Variants in NFIL3 observed in about 807,000 individuals in gnomAD.
NFIL3 encodes the protein nuclear factor, interleukin 3 regulated, also known as nuclear factor interleukin-3-regulated protein.
In NFIL3, 5 loss-of-function variants were observed where a neutral mutation model predicts 10.0. The ratio of observed to expected loss-of-function variants is 0.50; its 90% CI spans 0.26 to 1.06. The LOEUF is 1.06. NFIL3 is among the 50% of genes least tolerant of loss of function. NFIL3 has a pLI of 0.13. For missense variants in NFIL3, 436 were observed against 547.6 expected (o/e 0.80, Z 2.03); for synonymous variants, 202 against 206.5 (o/e 0.98, Z 0.19).
chr9:91,466,139 C>A, the NFIL3 span, among the ~76,000 whole-genome samples: 1 of 152,072 alleles, frequency 6.6e-6, no homozygotes, highest in Non-Finnish European at 1.5e-5. Flanking sequence ...GAAATTGAAC[C>A]ACTAATCCAC....
chr9:91,417,683 G>C (rs2118001151), intron 1 of NFIL3, among the ~76,000 whole-genome samples: 1 of 152,256 alleles, frequency 6.6e-6, no homozygotes, highest in East Asian at 1.9e-4. Flanking sequence ...TTGAAAAAGA[G>C]AAGGATTTTT....
At chr9:91,448,561 T>C in the NFIL3 span, among the ~76,000 whole-genome samples, 1 of 152,100 alleles carries the variant, frequency 6.6e-6, no homozygotes, top group Admixed American at 6.5e-5. Context: ...AGGCCCCACC[T>C]CCCAACACTG....
At position 91,410,829 on chromosome 9, in the gene NFIL3, A is replaced by C; in HGVS notation, c.-95T>G. 7.7e-7 allele frequency: 1 copy of C among 1,295,388 alleles called. No individual in the cohort carries two copies. The highest frequency in any genetic ancestry group is 1.1e-6 in the Non-Finnish European group (1 of 951,002). 80.2% of individuals were successfully genotyped at this position (1,295,388 alleles called of 1,614,324 possible). Reference sequence around the variant, plus strand: ...AAAAACTCTGGTTTAAAATCCATCAATATTCTTCCTTTTGTTCTACCGTCT... The same window carrying C: ...AAAAACTCTGGTTTAAAATCCATCACTATTCTTCCTTTTGTTCTACCGTCT... On this transcript the variant is annotated 5_prime_UTR_variant, in exon 2 of 2. Transcript: ENST00000297689. This position sits in a 1 kb window ranked among gnomAD's most constrained non-coding sequence, Gnocchi z 5.7.
the NFIL3 span, among the ~76,000 whole-genome samples, chr9:91,435,407 A>G: frequency 6.6e-6 from 1 of 152,198 alleles, no homozygotes; most frequent in Non-Finnish European, 1.5e-5. Context: ...CTTAATTTGC[A>G]TCCAGAATAC....
the NFIL3 span, among the ~76,000 whole-genome samples, chr9:91,478,035 C>T: frequency 1.3e-5 from 2 of 152,170 alleles, no homozygotes; most frequent in Non-Finnish European, 2.9e-5. Context: ...GTCTGATGGG[C>T]TTCCCTTTGT....
upstream of NFIL3, among the ~76,000 whole-genome samples, chr9:91,424,891 C>G (rs570435987): frequency 3.3e-5 from 5 of 152,336 alleles, no homozygotes; most frequent in Admixed American, 2.0e-4. Flanking sequence ...TCTTCTCTCC[C>G]AAATTCCCGG....
At chr9:91,424,596 T>C (rs564599087), upstream of NFIL3, among the ~76,000 whole-genome samples, 23 of 152,186 alleles carry the variant, frequency 1.5e-4, no homozygotes, top group Non-Finnish European at 2.9e-4. Context: ...GAGGGAAAGC[T>C]CCACGCACAA....
the NFIL3 span, among the ~76,000 whole-genome samples, chr9:91,468,690 A>G: frequency 6.6e-6 from 1 of 152,280 alleles, no homozygotes; most frequent in Admixed American, 6.5e-5. Context: ...TTAAGTCTTT[A>G]ATCCATCTTG....
the NFIL3 span, among the ~76,000 whole-genome samples, chr9:91,455,431 C>T: frequency 6.6e-6 from 1 of 152,080 alleles, no homozygotes; most frequent in East Asian, 1.9e-4. Flanking sequence ...TCACTTGTGG[C>T]TTAATGATGT....
the NFIL3 span, among the ~76,000 whole-genome samples, chr9:91,451,073 T>C: frequency 6.6e-6 from 1 of 152,212 alleles, no homozygotes; most frequent in African/African-American, 2.4e-5. Flanking sequence ...CGTTCTTTTT[T>C]CTTAGCATGA....
At chr9:91,462,203 AT>A in the NFIL3 span, among the ~76,000 whole-genome samples, 4 of 121,678 alleles carry the variant, frequency 3.3e-5, no homozygotes, top group Non-Finnish European at 6.3e-5. Flanking sequence ...ATTATCTTTT[AT>A]TTTTTTTGGT....
At chr9:91,458,862 G>A in the NFIL3 span, among the ~76,000 whole-genome samples, 1 of 152,148 alleles carries the variant, frequency 6.6e-6, no homozygotes, top group Admixed American at 6.6e-5. Context: ...GAAAATTAAG[G>A]AGCATGGACA....
chr9:91,452,999 AAC>A, the NFIL3 span, among the ~76,000 whole-genome samples: 1 of 152,084 alleles, frequency 6.6e-6, no homozygotes, highest in Non-Finnish European at 1.5e-5. Flanking sequence ...GGGCTGTGAT[AAC>A]ACAGTATCAC....
intron 1 of NFIL3, among the ~76,000 whole-genome samples, chr9:91,422,941 C>G (rs750991009): frequency 6.6e-6 from 1 of 152,170 alleles, no homozygotes; most frequent in Non-Finnish European, 1.5e-5. Flanking sequence ...TGCACACATA[C>G]GCGCATATTC....
chr9:91,421,749 T>C (rs1008438577), intron 1 of NFIL3, among the ~76,000 whole-genome samples: 27 of 152,236 alleles, frequency 1.8e-4, no homozygotes, highest in African/African-American at 6.5e-4. Context: ...ACTAGCTTCT[T>C]GGAAAGCGAC....
chr9:91,424,558 C>T (rs1275882421), upstream of NFIL3, among the ~76,000 whole-genome samples: 1 of 152,190 alleles, frequency 6.6e-6, no homozygotes. Context: ...CGGCGCCTCT[C>T]CCGAGAGCCG....
chr9:91,416,071 A>C lies in NFIL3; in HGVS notation c.-172-5165T>G, dbSNP rs185114948. Among the ~76,000 whole-genome samples the C allele has an allele frequency of 1.8e-4, 27 of 152,296 alleles. No individual in the cohort carries two copies. The East Asian group carries it at 5.2e-3, about 29-fold the overall frequency. On this transcript the variant is annotated intron_variant, in intron 1 of 1. Transcript: ENST00000297689. ...TTTATTAATTTTCATATCTTTACTA[A>C]AATTTTAACCTCCTGGCTATTCTAA...
the NFIL3 span, among the ~76,000 whole-genome samples, chr9:91,466,918 A>G: frequency 6.6e-6 from 1 of 152,206 alleles, no homozygotes; most frequent in South Asian, 2.1e-4. Context: ...TCATACTTAA[A>G]TTAGCAGACT....
the NFIL3 span, among the ~76,000 whole-genome samples, chr9:91,435,327 T>G: frequency 1.3e-5 from 2 of 152,186 alleles, no homozygotes; most frequent in African/African-American, 4.8e-5. Context: ...CTCTATGACC[T>G]TGCCTGCCTG....
Sources: allele counts gnomAD v4.1 joint callset (sites outside exome capture counted in the v4.1 genomes callset), GRCh38; gene constraint gnomAD v4.1.1; non-coding constraint Gnocchi (gnomAD v3.1); transcripts MANE v1.5; gene names NCBI Gene and HGNC (gene_info 2026-07-23, HGNC 2026-07-21).